Variants in ARHGAP26 observed in about 807,000 individuals in gnomAD.
The protein encoded by ARHGAP26 is rho GTPase-activating protein 26.
ARHGAP26 carries 38 observed loss-of-function variants against 104.8 expected under a neutral mutation model. The ratio of observed to expected loss-of-function variants is 0.36; its 90% CI spans 0.28 to 0.48. ARHGAP26 has a LOEUF of 0.48. Among genes scored for constraint, ARHGAP26 ranks in the 20% least tolerant of loss-of-function variants. The pLI, the probability that ARHGAP26 is intolerant of heterozygous loss-of-function variation, is 0.99. For synonymous variants in ARHGAP26, 341 were observed against 340.0 expected (o/e 1.00, Z -0.03); for missense variants, 704 against 947.9 (o/e 0.74, Z 3.38).
At chr5:143,167,518 A>AAAAG (rs1802165034) in intron 20 of ARHGAP26, among the ~76,000 whole-genome samples, 5 of 123,768 alleles carry the variant, frequency 4.0e-5, no homozygotes, top group African/African-American at 1.6e-4. Flanking sequence ...AAAAAAAAAA[A>AAAAG]GAAATCCATT....
intron 13 of ARHGAP26, among the ~76,000 whole-genome samples, chr5:143,038,249 C>CT (rs1404534924): frequency 1.6e-4 from 24 of 151,868 alleles, no homozygotes; most frequent in Middle Eastern, 3.4e-3. Flanking sequence ...GAAATATACA[C>CT]TTTTTTTTCC....
chr5:142,952,634 T>A (rs541781006), intron 11 of ARHGAP26, among the ~76,000 whole-genome samples: 14 of 152,294 alleles, frequency 9.2e-5, no homozygotes, highest in African/African-American at 3.4e-4. Context: ...GTACTTATAT[T>A]TACTCTTTGG....
chr5:143,021,438 T>A (rs932653209), intron 12 of ARHGAP26, among the ~76,000 whole-genome samples: 1 of 152,226 alleles, frequency 6.6e-6, no homozygotes, highest in Admixed American at 6.5e-5. Flanking sequence ...TTATTCATAA[T>A]AGCTTCAAAA....
intron 10 of ARHGAP26, among the ~76,000 whole-genome samples, chr5:142,931,643 T>TA (rs1764734472): frequency 6.6e-6 from 1 of 151,368 alleles, no homozygotes; most frequent in African/African-American, 2.4e-5. Context: ...CTCTTTTTTT[T>TA]ATCTTGAGTC....
At chr5:143,084,271 C>T (rs1790229308) in intron 17 of ARHGAP26, among the ~76,000 whole-genome samples, 3 of 152,192 alleles carry the variant, frequency 2.0e-5, no homozygotes, top group Admixed American at 2.0e-4. Context: ...TCACTATATG[C>T]TATTAAAATA....
chr5:143,140,997 C>T (rs1308637718), intron 19 of ARHGAP26, among the ~76,000 whole-genome samples: 2 of 152,338 alleles, frequency 1.3e-5, no homozygotes, highest in East Asian at 1.9e-4. Context: ...GCAGTCAAAG[C>T]TGTAGCATGT....
In ARHGAP26 at chr5:143,121,680, G is replaced by T. The variant is rs139356223; in HGVS notation, c.1698+533G>T. ...TTGTGTGCGCGTGTCTTTATGGTCT[G>T]TCTTTTCTTTTGGGGAATTGGGGTT... On this transcript the variant is annotated intron_variant, in intron 18 of 22. Transcript: ENST00000645722. Among the ~76,000 whole-genome samples, 260 of 152,250 alleles carry T rather than the reference G, an allele frequency of 1.7e-3. 2 individuals carry two copies. Among genetic ancestry groups the T allele is most frequent in the African/African-American group, 6.0e-3 (250 of 41,546 alleles).
At chr5:142,958,960 C>T (rs1459515866) in intron 11 of ARHGAP26, among the ~76,000 whole-genome samples, 1 of 149,134 alleles carries the variant, frequency 6.7e-6, no homozygotes, top group Non-Finnish European at 1.5e-5. Context: ...GGAAAATGTG[C>T]ATATTTGTTT....
At position 142,837,938 on chromosome 5, in the gene ARHGAP26, A is replaced by G. The variant is rs1769921401; in HGVS notation, c.155-35462A>G. 2.6e-5 allele frequency among the ~76,000 whole-genome samples: 4 copies of G among 152,200 alleles called. No homozygotes were observed. The South Asian group carries it at 8.3e-4, about 32-fold the overall frequency. ...TTTCCCTGCAGGGATATTGGCAGAT[A>G]GCAATCTGAGTGTTTGCAGGTATGA... On this transcript the variant is annotated intron_variant, in intron 1 of 22. Transcript: ENST00000645722.
chr5:143,127,654 A>G (rs1477813226), intron 18 of ARHGAP26, among the ~76,000 whole-genome samples: 2 of 152,216 alleles, frequency 1.3e-5, no homozygotes, highest in African/African-American at 4.8e-5. Flanking sequence ...CTTACAATGT[A>G]GTTAGCTCAA....
At chr5:142,880,794 G>A (rs2152388643) in intron 4 of ARHGAP26, among the ~76,000 whole-genome samples, 1 of 152,272 alleles carries the variant, frequency 6.6e-6, no homozygotes, top group East Asian at 1.9e-4. Context: ...ACCCCTGAGT[G>A]CATCTGCTTT....
chr5:143,206,284 A>G (rs893172837), intron 20 of ARHGAP26, among the ~76,000 whole-genome samples: 11 of 152,170 alleles, frequency 7.2e-5, no homozygotes, highest in Non-Finnish European at 1.3e-4. Flanking sequence ...TCTCTCTGTC[A>G]TTGGTGTTTG....
At chr5:142,921,602 C>A (rs1051725703) in intron 10 of ARHGAP26, 1 of 167,070 alleles carries the variant, frequency 6.0e-6, no homozygotes, top group African/African-American at 2.4e-5. Context: ...TTTGAAAGAT[C>A]TGAAGAATCT....
At chr5:142,891,065 G>A (rs190367899) in intron 5 of ARHGAP26, among the ~76,000 whole-genome samples, 3 of 151,934 alleles carry the variant, frequency 2.0e-5, no homozygotes, top group African/African-American at 7.3e-5. Flanking sequence ...TGAGGTGTGT[G>A]GGGTGGTTGG....
intron 1 of ARHGAP26, among the ~76,000 whole-genome samples, chr5:142,845,718 G>C (rs536451197): frequency 6.6e-5 from 10 of 152,286 alleles, no homozygotes; most frequent in Admixed American, 3.3e-4. Flanking sequence ...CTGGTGTCCA[G>C]ATAACTGGCG....
In ARHGAP26 at chr5:142,880,191, A is replaced by G. The variant is rs1029425646; in HGVS notation, c.384+746A>G. ...AAAGGGAATCCTGTTCCTTTTTAAA[A>G]GGTGGATTCTCCAGGGCTCCTTTGC... On this transcript the variant is annotated intron_variant, in intron 4 of 22. Transcript: ENST00000645722. 3.3e-5 allele frequency among the ~76,000 whole-genome samples: 5 copies of G among 152,274 alleles called. No individual in the cohort carries two copies. The East Asian group carries it at 9.7e-4, about 29-fold the overall frequency.
chr5:142,808,592 C>T (rs984344714), intron 1 of ARHGAP26, among the ~76,000 whole-genome samples: 5 of 152,046 alleles, frequency 3.3e-5, no homozygotes, highest in African/African-American at 1.2e-4. Flanking sequence ...GAAATACAAT[C>T]TTTTGATTGC....
intron 20 of ARHGAP26, among the ~76,000 whole-genome samples, chr5:143,178,829 T>C (rs1250433133): frequency 6.6e-6 from 1 of 152,096 alleles, no homozygotes; most frequent in Admixed American, 6.5e-5. Context: ...CTAGAAATCA[T>C]CTGACTCTAG....
At chr5:143,085,687 C>A (rs747410704) in intron 17 of ARHGAP26, among the ~76,000 whole-genome samples, 1 of 152,184 alleles carries the variant, frequency 6.6e-6, no homozygotes, top group African/African-American at 2.4e-5. Flanking sequence ...GCAGAGCGCT[C>A]CACAGCATTG....
Sources: gnomAD v4.1 joint callset for allele counts (sites outside exome capture counted in the v4.1 genomes callset) on GRCh38, gnomAD v4.1.1 for gene constraint, MANE v1.5 for transcripts, NCBI Gene and HGNC (gene_info 2026-07-23, HGNC 2026-07-21) for gene names.